GRK4: variants seen among roughly 807,000 people sequenced by gnomAD.
GRK4 encodes G protein-coupled receptor kinase 4, also known as G protein-coupled receptor kinase 2-like.
A neutral mutation model predicts 77.9 loss-of-function variants in GRK4; 73 were observed. The observed-to-expected ratio is 0.94, with a 90% CI of 0.78 to 1.14. The LOEUF is 1.14. Among genes scored for constraint, GRK4 ranks in the 50% most tolerant of loss-of-function variants. GRK4 has a pLI of 0.00. For synonymous variants in GRK4, 257 were observed against 254.4 expected (o/e 1.01, Z -0.10); for missense variants, 729 against 700.2 (o/e 1.04, Z -0.46).
intron 4 of GRK4, among the ~76,000 whole-genome samples, chr4:2,999,491 T>G (rs1047638655): frequency 2.0e-5 from 3 of 152,170 alleles, no homozygotes; most frequent in Non-Finnish European, 2.9e-5. Context: ...AGTCAATTAA[T>G]TGCCTTATCA....
intron 15 of GRK4, 87 bp downstream of exon 15, chr4:3,038,600 T>C: frequency 1.4e-6 from 2 of 1,465,732 alleles, no homozygotes; most frequent in Non-Finnish European, 1.8e-6. Flanking sequence ...CTGGTACTTT[T>C]TCTGTTTGCG....
In GRK4 at chr4:3,009,720, CG is replaced by C; in HGVS notation, c.600+12del. The C allele has an allele frequency of 6.2e-7, 1 of 1,610,188 alleles. No homozygotes were observed. Among genetic ancestry groups the C allele is most frequent in the Non-Finnish European group, 8.5e-7 (1 of 1,176,540 alleles). On this transcript the variant is annotated intron_variant, in intron 7 of 15. Transcript: ENST00000398052. ...AAGGCGGATTTGGAGAGGTGAGTAA[CG>C]GGAGCCAGTTCATAGCAGCGCTGCT...
chr4:2,988,531 G>A (rs955608575), intron 2 of GRK4, among the ~76,000 whole-genome samples, 196 bp from the exon 3 acceptor site: 4 of 151,852 alleles, frequency 2.6e-5, no homozygotes, highest in Admixed American at 6.6e-5. Context: ...AGATTGTACC[G>A]CTGCCCTCCA....
chr4:3,007,155 T>C (rs940123674), intron 5 of GRK4, among the ~76,000 whole-genome samples: 1 of 152,098 alleles, frequency 6.6e-6, no homozygotes, highest in Admixed American at 6.5e-5. Flanking sequence ...TGAGCCATGA[T>C]TGTGCCATTG....
At position 3,022,410 on chromosome 4, in the gene GRK4, G is replaced by A. The variant is rs755233364; in HGVS notation, c.933-4G>A. 1.2e-6 allele frequency: 2 copies of A among 1,613,604 alleles called. No individual in the cohort carries two copies. The highest frequency in any genetic ancestry group is 1.7e-6 in the Non-Finnish European group (2 of 1,179,876). ...ATTGGGCCTTTTGTTGTTGTTTCTTGTAGAGACTTGAAGCCTGAGAATATT... is the reference window on the plus strand; with the variant it reads ...ATTGGGCCTTTTGTTGTTGTTTCTTATAGAGACTTGAAGCCTGAGAATATT... On this transcript the variant is annotated splice_polypyrimidine_tract_variant and splice_region_variant and intron_variant, in intron 9 of 15. Coordinates refer to ENST00000398052, the MANE Select transcript of GRK4 (RefSeq NM_182982.3).
chr4:3,031,535 CT>C (rs1255445209), intron 12 of GRK4, among the ~76,000 whole-genome samples: 2 of 152,172 alleles, frequency 1.3e-5, no homozygotes, highest in Non-Finnish European at 2.9e-5. Context: ...GGGAGCTGGG[CT>C]GCATGCCAGG....
intron 4 of GRK4, among the ~76,000 whole-genome samples, 190 bp from the exon 5 acceptor site, chr4:3,004,041 C>A: frequency 6.6e-6 from 1 of 152,170 alleles, no homozygotes; most frequent in South Asian, 2.1e-4. Flanking sequence ...TGATATGCAT[C>A]GGAGAAGATC....
Position 3,004,307 on chromosome 4 carries a change from C to A in GRK4, c.416C>A (p.Ser139Tyr). ...CRLGLKEENP[S>Y]KKAFEECTRV... ...TTGGGACTGAAGGAGGAGAACCCTTCCAAAAAAGCCTTTGAGGAATGTACT... is the reference window on the plus strand; with the variant it reads ...TTGGGACTGAAGGAGGAGAACCCTTACAAAAAAGCCTTTGAGGAATGTACT... Residue 139 changes from serine (S) to tyrosine (Y), a missense_variant, in exon 5 of 16, where the codon TCC (serine) becomes TAC (tyrosine). By Grantham distance (144) the Ser-to-Tyr change is moderately radical. Coordinates refer to ENST00000398052, the MANE Select transcript of GRK4 (RefSeq NM_182982.3). 1 of 1,612,442 alleles carries A rather than the reference C, an allele frequency of 6.2e-7. No homozygotes were observed. Among genetic ancestry groups the A allele is most frequent in the Non-Finnish European group, 8.5e-7 (1 of 1,178,676 alleles).
At chr4:3,035,932 C>G (rs999590114) in intron 13 of GRK4, among the ~76,000 whole-genome samples, 1 of 152,096 alleles carries the variant, frequency 6.6e-6, no homozygotes, top group Non-Finnish European at 1.5e-5. Context: ...GTCAGCCTCA[C>G]TGCTGGGGGA....
At chr4:2,964,154 C>CT (rs765922759) in intron 1 of GRK4, 32 bp downstream of exon 1, 3 of 1,544,962 alleles carry the variant, frequency 1.9e-6, no homozygotes, top group South Asian at 2.3e-5. Flanking sequence ...CCGACCCCCC[C>CT]CCCAGAGAAC....
Position 3,027,874 on chromosome 4 carries a change from C to A in GRK4, c.971-38C>A, listed in dbSNP as rs774790987. 1.0e-5 allele frequency: 16 copies of A among 1,542,938 alleles called. No individual in the cohort carries two copies. The East Asian group carries it at 3.6e-4, about 35-fold the overall frequency. Reference sequence around the variant, plus strand: ...AATTGTTGTTACGGTGTCATTACTTCCCCCGTGACCTGTGTAATAACATAT... The same window carrying A: ...AATTGTTGTTACGGTGTCATTACTTACCCCGTGACCTGTGTAATAACATAT... On this transcript the variant is annotated intron_variant, in intron 10 of 15. Transcript: ENST00000398052.
Position 3,019,573 on chromosome 4 carries a change from G to A in GRK4, c.742-68G>A, listed in dbSNP as rs148508490. ...AACACAGATTATTTGCATATTATTAGCAAATAGAGGAAATCACCAATGAAA... is the reference window on the plus strand; with the variant it reads ...AACACAGATTATTTGCATATTATTAACAAATAGAGGAAATCACCAATGAAA... On this transcript the variant is annotated intron_variant, in intron 8 of 15. Transcript: ENST00000398052. 5 of 1,243,214 alleles carry A rather than the reference G, an allele frequency of 4.0e-6. No homozygotes were observed. The East Asian group carries it at 7.0e-5, about 17-fold the overall frequency. The allele number at this position is 1,243,214 out of a possible 1,614,324, so 77.0% of individuals were successfully genotyped here. A position where few individuals can be genotyped will look rare whatever the true frequency, so the allele number is the denominator to read the frequency against.
intron 1 of GRK4, among the ~76,000 whole-genome samples, chr4:2,978,592 G>C (rs1050522379): frequency 5.9e-5 from 9 of 152,328 alleles, no homozygotes; most frequent in African/African-American, 1.9e-4. Context: ...CTGTGGTGGA[G>C]ATGCCACTAG....
intron 13 of GRK4, among the ~76,000 whole-genome samples, 157 bp downstream of exon 13, chr4:3,035,680 C>G (rs538610195): frequency 6.6e-6 from 1 of 152,054 alleles, no homozygotes; most frequent in South Asian, 2.1e-4. Context: ...ACCTTGGCCT[C>G]CCACAGTGCT....
chr4:3,036,125 G>A (rs917154153), intron 13 of GRK4, among the ~76,000 whole-genome samples: 21 of 152,204 alleles, frequency 1.4e-4, no homozygotes, highest in Admixed American at 3.9e-4. Context: ...CTGGCCACCC[G>A]TGTCCCCTTT....
chr4:3,027,816 C>A, intron 10 of GRK4, 96 bp from the exon 11 acceptor site: 1 of 915,082 alleles, frequency 1.1e-6, no homozygotes, highest in Non-Finnish European at 1.8e-6. Context: ...TTATTTCCAG[C>A]CATGGTTTTT....
intron 1 of GRK4, among the ~76,000 whole-genome samples, chr4:2,970,529 G>A (rs1719179705): frequency 6.6e-6 from 1 of 151,778 alleles, no homozygotes; most frequent in South Asian, 2.1e-4. Flanking sequence ...ATGGTGGCAT[G>A]CACCTGTAGT....
chr4:2,996,933 C>A (rs915330055), intron 4 of GRK4, among the ~76,000 whole-genome samples: 2 of 151,764 alleles, frequency 1.3e-5, no homozygotes, highest in Admixed American at 6.6e-5. Flanking sequence ...AAAAGGGAAC[C>A]CCTAGGCTAG....
chr4:3,005,607 A>G (rs1166621491), intron 5 of GRK4, among the ~76,000 whole-genome samples: 2 of 152,044 alleles, frequency 1.3e-5, no homozygotes, highest in Non-Finnish European at 2.9e-5. Flanking sequence ...GTTCAAGACC[A>G]GCCTGGCCCA....
Sources: gnomAD v4.1 joint callset for allele counts (sites outside exome capture counted in the v4.1 genomes callset) on GRCh38, gnomAD v4.1.1 for gene constraint, MANE v1.5 for transcripts, NCBI Gene and HGNC (gene_info 2026-07-23, HGNC 2026-07-21) for gene names.